ADGRL3: variants seen among roughly 807,000 people sequenced by gnomAD.
ADGRL3 encodes the protein adhesion G protein-coupled receptor L3, also known as calcium-independent alpha-latrotoxin receptor 3.
Under a neutral mutation model 153.5 loss-of-function variants are expected in ADGRL3, and 62 were observed. That is an observed-to-expected ratio of 0.40 (90% CI 0.33 to 0.50). The LOEUF (loss-of-function observed/expected upper bound fraction) is 0.50, where lower values mean the gene tolerates loss of function less well. Among genes scored for constraint, ADGRL3 ranks in the 20% least tolerant of loss-of-function variants. The probability of loss-of-function intolerance (pLI) is 0.47; values close to 1 mark genes in which losing one functional copy is unlikely to be tolerated. For synonymous variants in ADGRL3, 710 were observed against 672.5 expected (o/e 1.06, Z -0.86); for missense variants, 1,641 against 1,859.4 (o/e 0.88, Z 2.16).
intron 5 of ADGRL3, among the ~76,000 whole-genome samples, chr4:61,646,845 C>A (rs2094013169): frequency 6.6e-6 from 1 of 152,210 alleles, no homozygotes; most frequent in Non-Finnish European, 1.5e-5. Flanking sequence ...CCTAATCAAG[C>A]CTGGGCAATG....
chr4:61,339,486 G>C (rs868538573), intron 1 of ADGRL3, among the ~76,000 whole-genome samples: 23 of 152,220 alleles, frequency 1.5e-4, no homozygotes, highest in Admixed American at 3.3e-4. Flanking sequence ...CATTGGATTT[G>C]GTTTACTTGA....
At chr4:61,770,170 G>A (rs2097066390) in intron 8 of ADGRL3, among the ~76,000 whole-genome samples, 1 of 152,192 alleles carries the variant, frequency 6.6e-6, no homozygotes, top group Non-Finnish European at 1.5e-5. Context: ...TATCCAAATT[G>A]TATTTCTGGA....
At chr4:61,493,005 A>G (rs1005568743) in intron 2 of ADGRL3, among the ~76,000 whole-genome samples, 4 of 152,172 alleles carry the variant, frequency 2.6e-5, no homozygotes, top group Middle Eastern at 6.8e-3. Flanking sequence ...TAAGATTTTT[A>G]TAAGAAAAGA....
chr4:61,828,480 C>T (rs770304843), intron 9 of ADGRL3, among the ~76,000 whole-genome samples: 6 of 152,048 alleles, frequency 3.9e-5, no homozygotes, highest in Admixed American at 2.0e-4. Flanking sequence ...TTGTTTTCCC[C>T]TGTTAATACA....
At chr4:61,796,015 G>T (rs1333949227) in intron 8 of ADGRL3, among the ~76,000 whole-genome samples, 2 of 152,042 alleles carry the variant, frequency 1.3e-5, no homozygotes, top group Non-Finnish European at 2.9e-5. Flanking sequence ...GCTAATTTTT[G>T]TATCTTTAGT....
At chr4:61,582,514 G>A (rs1249310613) in intron 4 of ADGRL3, among the ~76,000 whole-genome samples, 1 of 151,938 alleles carries the variant, frequency 6.6e-6, no homozygotes, top group Non-Finnish European at 1.5e-5. Flanking sequence ...CAAAAGATAT[G>A]ATCTCATTCC....
chr4:61,440,410 GT>G (rs1175711506), intron 2 of ADGRL3, among the ~76,000 whole-genome samples: 1 of 152,106 alleles, frequency 6.6e-6, no homozygotes, highest in African/African-American at 2.4e-5. Context: ...TCCATAATTC[GT>G]TTTGGAAACT....
At chr4:61,946,306 T>C (rs909237837) in intron 15 of ADGRL3, among the ~76,000 whole-genome samples, 1 of 152,174 alleles carries the variant, frequency 6.6e-6, no homozygotes, top group Non-Finnish European at 1.5e-5. Flanking sequence ...TTTCATTCTC[T>C]AATTACTAAT....
intron 18 of ADGRL3, among the ~76,000 whole-genome samples, chr4:61,980,693 A>C (rs900642082): frequency 6.6e-6 from 1 of 152,112 alleles, no homozygotes; most frequent in Non-Finnish European, 1.5e-5. Flanking sequence ...CACCCGCCTC[A>C]GCCTCCCAAA....
At chr4:61,279,790 A>G (rs1255347795) in intron 1 of ADGRL3, among the ~76,000 whole-genome samples, 1 of 152,026 alleles carries the variant, frequency 6.6e-6, no homozygotes, top group African/African-American at 2.4e-5. Context: ...GAGCACTTGG[A>G]TTCAGGAAAT....
chr4:61,959,275 T>A (rs2098979153), intron 17 of ADGRL3, among the ~76,000 whole-genome samples: 1 of 152,154 alleles, frequency 6.6e-6, no homozygotes. Context: ...CACCGTAACA[T>A]ATGCCTCAGA....
At chr4:61,392,886 C>G (rs2096829797) in intron 2 of ADGRL3, among the ~76,000 whole-genome samples, 1 of 150,786 alleles carries the variant, frequency 6.6e-6, no homozygotes. Flanking sequence ...GAATATGAAC[C>G]AAATAAACAC....
chr4:61,300,468 T>C (rs539848248), intron 1 of ADGRL3, among the ~76,000 whole-genome samples: 41 of 152,286 alleles, frequency 2.7e-4, no homozygotes, highest in African/African-American at 9.4e-4. Context: ...TGCTCTGCCT[T>C]GGATAAGGGG....
chr4:61,749,153 C>T (rs1479175010), intron 8 of ADGRL3, among the ~76,000 whole-genome samples: 1 of 152,004 alleles, frequency 6.6e-6, no homozygotes, highest in Non-Finnish European at 1.5e-5. Flanking sequence ...ATCAAAACCG[C>T]AATGAGATAC....
intron 9 of ADGRL3, among the ~76,000 whole-genome samples, chr4:61,857,825 G>A (rs777471306): frequency 6.6e-6 from 1 of 151,760 alleles, no homozygotes; most frequent in African/African-American, 2.4e-5. Flanking sequence ...CAATCCTCTC[G>A]CCTCAGCCTC....
chr4:61,610,362 G>A (rs2149673044), intron 5 of ADGRL3, among the ~76,000 whole-genome samples: 1 of 152,158 alleles, frequency 6.6e-6, no homozygotes, highest in Non-Finnish European at 1.5e-5. Flanking sequence ...AATTACCCAG[G>A]GGTATGTCAG....
intron 6 of ADGRL3, among the ~76,000 whole-genome samples, chr4:61,696,781 T>G (rs925567961): frequency 1.4e-5 from 2 of 145,706 alleles, no homozygotes; most frequent in African/African-American, 5.1e-5. Context: ...GTTCAAGCAA[T>G]TATCCTGCCT....
intron 9 of ADGRL3, among the ~76,000 whole-genome samples, chr4:61,861,031 G>T (rs2098335332): frequency 6.6e-6 from 1 of 152,074 alleles, no homozygotes; most frequent in African/African-American, 2.4e-5. Context: ...AGTAAATATT[G>T]AAATCTATTT....
At chr4:61,434,284 G>T (rs946188337) in intron 2 of ADGRL3, among the ~76,000 whole-genome samples, 8 of 152,038 alleles carry the variant, frequency 5.3e-5, no homozygotes, top group Non-Finnish European at 1.0e-4. Flanking sequence ...TGGGAAAAAT[G>T]CTGGCAAATT....
Sources: gnomAD v4.1 joint callset for allele counts (sites outside exome capture counted in the v4.1 genomes callset) on GRCh38, gnomAD v4.1.1 for gene constraint, MANE v1.5 for transcripts, NCBI Gene and HGNC (gene_info 2026-07-23, HGNC 2026-07-21) for gene names.